The following PRSS21 variants were observed in gnomAD, a reference collection of about 807,000 sequenced individuals.
PRSS21 encodes the protein serine protease 21, also known as testisin.
PRSS21 carries 40 observed loss-of-function variants against 31.1 expected under a neutral mutation model. The observed-to-expected ratio is 1.29, with a 90% CI of 1.00 to 1.68. The LOEUF (loss-of-function observed/expected upper bound fraction) is 1.68, where lower values mean the gene tolerates loss of function less well. Among genes scored for constraint, PRSS21 ranks in the 40% most tolerant of loss-of-function variants. PRSS21 has a pLI of 0.00. For missense variants in PRSS21, 467 were observed against 412.6 expected (o/e 1.13, Z -1.14); for synonymous variants, 186 against 167.7 (o/e 1.11, Z -0.84).
At chr16:2,818,402 C>G (rs1469026887) in intron 3 of PRSS21, among the ~76,000 whole-genome samples, 1 of 152,184 alleles carries the variant, frequency 6.6e-6, no homozygotes, top group Non-Finnish European at 1.5e-5. Flanking sequence ...CCCATTCCTC[C>G]TTGGGCTGCA....
intron 4 of PRSS21, among the ~76,000 whole-genome samples, chr16:2,819,739 A>G (rs1341744613): frequency 6.6e-6 from 1 of 152,236 alleles, no homozygotes; most frequent in Non-Finnish European, 1.5e-5. Context: ...GAGCTCACCT[A>G]GGAATGAAGT....
chr16:2,818,053 G>A, intron 3 of PRSS21, 87 bp downstream of exon 3: 5 of 1,441,056 alleles, frequency 3.5e-6, no homozygotes, highest in Non-Finnish European at 4.6e-6. Flanking sequence ...CTGGTCTGAT[G>A]CCAGACTTGG....
At chr16:2,821,261 G>A (rs958640707) in intron 5 of PRSS21, 105 bp from the exon 6 acceptor site, 172 of 1,533,580 alleles carry the variant, frequency 1.1e-4, no homozygotes, top group Non-Finnish European at 2.0e-5. Flanking sequence ...GGGAGGAGGA[G>A]GATGTGCACC....
rs540176049 is a variant in PRSS21, at chr16:2,817,831, G to A, written c.122G>A (p.Arg41His). Reference protein sequence around the residue: ...GPCGRRVITSRIVGGEDAELG... With the variant: ...GPCGRRVITSHIVGGEDAELG... Reference sequence around the variant, plus strand: ...TGCGGCCGACGGGTCATCACGTCGCGCATCGTGGGTGGAGAGGACGCCGAA... The same window carrying A: ...TGCGGCCGACGGGTCATCACGTCGCACATCGTGGGTGGAGAGGACGCCGAA... Residue 41 changes from arginine to histidine, a missense_variant, in exon 3 of 6, where the codon CGC (arginine) becomes CAC (histidine). Coordinates refer to ENST00000005995, the MANE Select transcript of PRSS21 (RefSeq NM_006799.4). The surrounding 1 kb of genome is among the most constrained non-coding windows in gnomAD (Gnocchi z 4.2). The A allele has an allele frequency of 9.0e-5, 140 of 1,550,936 alleles. 1 individual carries two copies. In the East Asian group the frequency reaches 3.4e-3, roughly 37 times the overall value.
At chr16:2,818,373 C>G (rs2069115185) in intron 3 of PRSS21, among the ~76,000 whole-genome samples, 1 of 152,244 alleles carries the variant, frequency 6.6e-6, no homozygotes, top group African/African-American at 2.4e-5. Flanking sequence ...GCCAATCCCA[C>G]ATTGGCGTGG....
chr16:2,820,279 G>A (rs1014182075), intron 4 of PRSS21, among the ~76,000 whole-genome samples: 1 of 152,242 alleles, frequency 6.6e-6, no homozygotes. Flanking sequence ...CTTAGGAGAG[G>A]CCCCGCTGAC....
chr16:2,817,480 T>G lies in PRSS21; in HGVS notation c.91+24T>G. On this transcript the variant is annotated intron_variant, in intron 2 of 5. Coordinates refer to ENST00000005995, the MANE Select transcript of PRSS21 (RefSeq NM_006799.4). This position sits in a 1 kb window ranked among gnomAD's most constrained non-coding sequence, Gnocchi z 4.2. ...AGGTAGGGCGCCCAGGACGCGCGAT[T>G]CCTGCCAGGGCCGTTGGGCCGAGGT... 1 of 1,513,162 alleles carries G rather than the reference T, an allele frequency of 6.6e-7. No homozygotes were observed. The highest frequency in any genetic ancestry group is 1.4e-5 in the African/African-American group (1 of 70,642). 93.7% of individuals were successfully genotyped at this position (1,513,162 alleles called of 1,614,324 possible).
chr16:2,817,865 T>G lies in PRSS21; in HGVS notation c.156T>G (p.Arg52=). 1 of 1,550,366 alleles carries G rather than the reference T, an allele frequency of 6.5e-7. No individual in the cohort carries two copies. Among genetic ancestry groups the G allele is most frequent in the Non-Finnish European group, 8.7e-7 (1 of 1,147,208 alleles). The part of the protein sequence containing the change: ...IVGGEDAELG[R]WPWQGSLRLW... ...GTGGAGAGGACGCCGAACTCGGGCG[T>G]TGGCCGTGGCAGGGGAGCCTGCGCC... The change falls in exon 3 of 6, where the codon CGT becomes CGG. Residue 52 remains arginine (R), a synonymous_variant. Transcript: ENST00000005995. The surrounding 1 kb of genome is among the most constrained non-coding windows in gnomAD (Gnocchi z 4.2).
rs2069100174 is a variant in PRSS21, at chr16:2,817,707, C to A, written c.92-94C>A. ...CGAGGGGACCCTGGGTGGGCAAAAA[C>A]GTGCTTTCCCGGACGGGGTTGAAGG... On this transcript the variant is annotated intron_variant, in intron 2 of 5. Coordinates refer to ENST00000005995, the MANE Select transcript of PRSS21 (RefSeq NM_006799.4). This position sits in a 1 kb window ranked among gnomAD's most constrained non-coding sequence, Gnocchi z 4.2. The A allele has an allele frequency of 2.0e-6, 3 of 1,469,010 alleles. No homozygotes were observed. Among genetic ancestry groups the A allele is most frequent in the Non-Finnish European group, 2.7e-6 (3 of 1,098,678 alleles). 91.0% of individuals were successfully genotyped at this position (1,469,010 alleles called of 1,614,324 possible).
At chr16:2,819,143 G>A (rs1185896199) in intron 4 of PRSS21, among the ~76,000 whole-genome samples, 174 bp downstream of exon 4, 1 of 152,214 alleles carries the variant, frequency 6.6e-6, no homozygotes, top group Non-Finnish European at 1.5e-5. Context: ...CCTTCCAGGG[G>A]CTGTGGGGGC....
chr16:2,821,209 C>A, intron 5 of PRSS21, 100 bp downstream of exon 5: 1 of 1,550,896 alleles, frequency 6.4e-7, no homozygotes, highest in Non-Finnish European at 8.8e-7. Flanking sequence ...GACTGTTGCC[C>A]CACTCTGCAG....
Position 2,817,466 on chromosome 16 carries a change from C to A in PRSS21, c.91+10C>A, listed in dbSNP as rs745667548. On this transcript the variant is annotated intron_variant, in intron 2 of 5. Coordinates refer to ENST00000005995, the MANE Select transcript of PRSS21 (RefSeq NM_006799.4). This position sits in a 1 kb window ranked among gnomAD's most constrained non-coding sequence, Gnocchi z 4.2. ...GCGGCGCCGTTATCAGGTAGGGCGC[C>A]CAGGACGCGCGATTCCTGCCAGGGC... 12 of 1,584,666 alleles carry A rather than the reference C, an allele frequency of 7.6e-6. No homozygotes were observed. The Admixed American group carries it at 1.9e-4, about 25-fold the overall frequency.
intron 4 of PRSS21, among the ~76,000 whole-genome samples, chr16:2,819,281 C>T (rs530406397): frequency 1.3e-5 from 2 of 152,246 alleles, no homozygotes; most frequent in Admixed American, 6.5e-5. Flanking sequence ...TTTCCACCTC[C>T]CCCAGTGCTC....
In PRSS21 at chr16:2,818,791, C is replaced by G; in HGVS notation, c.372C>G (p.Ile124Met). The change falls in exon 4 of 6, where the codon ATC (isoleucine) becomes ATG (methionine). Residue 124 changes from isoleucine to methionine, a missense_variant. Transcript: ENST00000005995. ...ACACCCGTTACTTCGTATCGAATATCTATCTGAGCCCTCGCTACCTGGGGA... is the reference window on the plus strand; with the variant it reads ...ACACCCGTTACTTCGTATCGAATATGTATCTGAGCCCTCGCTACCTGGGGA... Reference protein sequence around the residue: ...AYYTRYFVSNIYLSPRYLGNS... With the variant: ...AYYTRYFVSNMYLSPRYLGNS... 6.2e-7 allele frequency: 1 copy of G among 1,613,600 alleles called. No individual in the cohort carries two copies. Among genetic ancestry groups the G allele is most frequent in the Non-Finnish European group, 8.5e-7 (1 of 1,179,462 alleles).
At position 2,818,862 on chromosome 16, in the gene PRSS21, C is replaced by G; in HGVS notation, c.443C>G (p.Thr148Ser). ...TTGGTGAAGCTGTCTGCACCTGTCA[C>G]CTACACTAAACACATCCAGCCCATC... ...IALVKLSAPV[T>S]YTKHIQPICL... Residue 148 changes from threonine to serine, a missense_variant, in exon 4 of 6, where the codon ACC (threonine) becomes AGC (serine). Physicochemically the swap from Thr to Ser is moderately conservative, Grantham distance 58. Transcript: ENST00000005995. 2 of 1,614,164 alleles carry G rather than the reference C, an allele frequency of 1.2e-6. No individual in the cohort carries two copies. The highest frequency in any genetic ancestry group is 2.2e-5 in the East Asian group (1 of 44,894).
rs1427751210 is a variant in PRSS21 at position 2,820,863 on chromosome 16, G to A, written c.551-92G>A. The stretch of plus-strand genomic sequence containing the variant: ...GATGAACCTGCCAGGCACAGTGGGT[G>A]CCCCAGGGCCCCCACCCCCGCAGCC... On this transcript the variant is annotated intron_variant, in intron 4 of 5. Transcript: ENST00000005995. 7 of 1,346,348 alleles carry A rather than the reference G, an allele frequency of 5.2e-6. No individual in the cohort carries two copies. In the Admixed American group the frequency reaches 1.3e-4, roughly 26 times the overall value. The allele number at this position is 1,346,348 out of a possible 1,614,324, so 83.4% of individuals were successfully genotyped here. A position where few individuals can be genotyped will look rare whatever the true frequency, so the allele number is the denominator to read the frequency against.
intron 3 of PRSS21, 27 bp from the exon 4 acceptor site, chr16:2,818,650 C>G: frequency 6.2e-7 from 1 of 1,607,738 alleles, no homozygotes; most frequent in Non-Finnish European, 8.5e-7. Context: ...ATCCAGGGCC[C>G]CTGACTGCTC....
At chr16:2,820,246 T>C (rs139308208) in intron 4 of PRSS21, among the ~76,000 whole-genome samples, 94 of 152,330 alleles carry the variant, frequency 6.2e-4, no homozygotes, top group African/African-American at 2.1e-3. Context: ...AGAGGCTAGT[T>C]CCCAGGTTGT....
In PRSS21 at chr16:2,817,515, G is replaced by T. The variant is rs1192865813; in HGVS notation, c.91+59G>T. The stretch of plus-strand genomic sequence containing the variant: ...GCCGTTGGGCCGAGGTGGACGGGGG[G>T]CGGTGAGGGGGTAGAGGGGGGCCTT... On this transcript the variant is annotated intron_variant, in intron 2 of 5. Coordinates refer to ENST00000005995, the MANE Select transcript of PRSS21 (RefSeq NM_006799.4). This position sits in a 1 kb window ranked among gnomAD's most constrained non-coding sequence, Gnocchi z 4.2. 8.9e-6 allele frequency: 12 copies of T among 1,354,184 alleles called. No homozygotes were observed. In the African/African-American group the frequency reaches 1.5e-4, roughly 17 times the overall value. 83.9% of individuals were successfully genotyped at this position (1,354,184 alleles called of 1,614,324 possible). A position where few individuals can be genotyped will look rare whatever the true frequency, so the allele number is the denominator to read the frequency against.
Sources: gnomAD v4.1 joint callset for allele counts (sites outside exome capture counted in the v4.1 genomes callset) on GRCh38, gnomAD v4.1.1 for gene constraint, Gnocchi (gnomAD v3.1) non-coding constraint, MANE v1.5 for transcripts, NCBI Gene and HGNC (gene_info 2026-07-23, HGNC 2026-07-21) for gene names.